The following PTPRO variants were observed in gnomAD, a reference collection of about 807,000 sequenced individuals.
PTPRO encodes the protein receptor-type tyrosine-protein phosphatase O.
Under a neutral mutation model 145.2 loss-of-function variants are expected in PTPRO, and 62 were observed. That is an observed-to-expected ratio of 0.43 (90% CI 0.35 to 0.53). PTPRO has a LOEUF of 0.53. PTPRO is among the 20% of genes least tolerant of loss of function. The pLI, the probability that PTPRO is intolerant of heterozygous loss-of-function variation, is 0.01. For missense variants in PTPRO, 1,345 were observed against 1,482.7 expected, an observed-to-expected ratio of 0.91 and a Z score of 1.53; for synonymous variants, 565 against 514.7, an observed-to-expected ratio of 1.10 and a Z score of -1.32.
At chr12:15,494,462 G>C (rs1397690381) in intron 2 of PTPRO, among the ~76,000 whole-genome samples, 1 of 152,158 alleles carries the variant, frequency 6.6e-6, no homozygotes, top group African/African-American at 2.4e-5. Context: ...AAGACAATGA[G>C]AGAAGTCACT....
At chr12:15,532,086 C>G (rs1362994479) in intron 12 of PTPRO, among the ~76,000 whole-genome samples, 1 of 152,106 alleles carries the variant, frequency 6.6e-6, no homozygotes, top group Non-Finnish European at 1.5e-5. Context: ...TTGCATTTCT[C>G]CAGAACTCAA....
intron 12 of PTPRO, among the ~76,000 whole-genome samples, chr12:15,532,526 T>A (rs564323589): frequency 6.6e-6 from 1 of 152,278 alleles, no homozygotes; most frequent in East Asian, 1.9e-4. Context: ...GCTAATTCCC[T>A]CTGCTGTGAC....
At position 15,569,416 on chromosome 12, in the gene PTPRO, GC is replaced by G. The variant is rs1156976212; in HGVS notation, c.2750del (p.Pro917ArgfsTer29). The G allele has an allele frequency of 1.2e-6, 2 of 1,611,862 alleles. No individual in the cohort carries two copies. The highest frequency in any genetic ancestry group is 1.7e-6 in the Non-Finnish European group (2 of 1,178,046). On this transcript the variant is annotated frameshift_variant and splice_region_variant, in exon 19 of 27. Transcript: ENST00000281171. LOFTEE classifies it high-confidence loss of function. ...KNGLKKRKLT[N>X]PVQLDDFDAY... ...TGTATATTTCTTTGTGTTTGGCAAA[GC>G]CCGGTTCAACTGGATGACTTTGATG...
At chr12:15,437,522 A>G (rs986848193) in intron 1 of PTPRO, among the ~76,000 whole-genome samples, 2 of 152,098 alleles carry the variant, frequency 1.3e-5, no homozygotes, top group Non-Finnish European at 2.9e-5. Flanking sequence ...CTGCCCCACC[A>G]TTTATGGACA....
At chr12:15,404,803 A>G (rs1002408986) in intron 1 of PTPRO, among the ~76,000 whole-genome samples, 1 of 152,220 alleles carries the variant, frequency 6.6e-6, no homozygotes, top group Non-Finnish European at 1.5e-5. Context: ...ACATTTGGCA[A>G]CAGATAGTTG....
At chr12:15,417,850 C>A (rs1940025982) in intron 1 of PTPRO, among the ~76,000 whole-genome samples, 1 of 151,710 alleles carries the variant, frequency 6.6e-6, no homozygotes, top group African/African-American at 2.4e-5. Context: ...TGCATGCACT[C>A]AAATTAGAGC....
At chr12:15,494,872 G>A (rs1355984025) in intron 2 of PTPRO, among the ~76,000 whole-genome samples, 3 of 152,148 alleles carry the variant, frequency 2.0e-5, no homozygotes, top group South Asian at 2.1e-4. Flanking sequence ...CAGCAGTGAA[G>A]GAGTTACTGC....
chr12:15,443,781 A>G (rs1261533934), intron 1 of PTPRO, among the ~76,000 whole-genome samples: 4 of 152,180 alleles, frequency 2.6e-5, no homozygotes, highest in South Asian at 4.1e-4. Flanking sequence ...CAAAACCACA[A>G]TGAGATAGCA....
chr12:15,540,404 T>C (rs746744263), intron 12 of PTPRO, among the ~76,000 whole-genome samples: 52 of 152,352 alleles, frequency 3.4e-4, no homozygotes, highest in Middle Eastern at 6.8e-3. Context: ...AAAATAAATG[T>C]TGTTATGTGG....
intron 7 of PTPRO, among the ~76,000 whole-genome samples, chr12:15,514,474 G>T (rs866274460): frequency 8.5e-5 from 11 of 129,168 alleles, no homozygotes; most frequent in Admixed American, 2.3e-4. Context: ...AAAAAAAAAA[G>T]AAAGAACAGT....
chr12:15,345,612 G>T (rs757792924), intron 1 of PTPRO, among the ~76,000 whole-genome samples: 1 of 152,084 alleles, frequency 6.6e-6, no homozygotes, highest in African/African-American at 2.4e-5. Context: ...CTGTCGGGGG[G>T]TGGGGGGTTA....
intron 1 of PTPRO, among the ~76,000 whole-genome samples, chr12:15,326,972 G>A (rs952769192): frequency 6.6e-6 from 1 of 152,096 alleles, no homozygotes; most frequent in Non-Finnish European, 1.5e-5. Flanking sequence ...ATCTTTCATG[G>A]TGCTAGTATG....
At chr12:15,430,055 C>A (rs1940390734) in intron 1 of PTPRO, among the ~76,000 whole-genome samples, 1 of 151,660 alleles carries the variant, frequency 6.6e-6, no homozygotes, top group Admixed American at 6.6e-5. Flanking sequence ...GTTTGCGGTG[C>A]CTTTCTGACG....
At chr12:15,393,028 C>T (rs1939234043) in intron 1 of PTPRO, among the ~76,000 whole-genome samples, 1 of 152,108 alleles carries the variant, frequency 6.6e-6, no homozygotes, top group South Asian at 2.1e-4. Flanking sequence ...TTCTAATTGT[C>T]TTTCTTTGGA....
chr12:15,334,073 G>A (rs1866687536), intron 1 of PTPRO, among the ~76,000 whole-genome samples: 1 of 151,982 alleles, frequency 6.6e-6, no homozygotes, highest in Non-Finnish European at 1.5e-5. Flanking sequence ...CACCATGCAC[G>A]TCATATAACC....
chr12:15,504,678 T>A (rs1008778612), intron 6 of PTPRO, among the ~76,000 whole-genome samples: 1 of 152,188 alleles, frequency 6.6e-6, no homozygotes, highest in African/African-American at 2.4e-5. Context: ...ACTGACTATG[T>A]TTACTGGAAG....
chr12:15,420,370 C>A (rs1227339812), intron 1 of PTPRO, among the ~76,000 whole-genome samples: 2 of 151,592 alleles, frequency 1.3e-5, no homozygotes, highest in Admixed American at 1.3e-4. Context: ...TAATCCTCCA[C>A]CATTGCTACC....
At chr12:15,402,660 A>C (rs1015684102) in intron 1 of PTPRO, among the ~76,000 whole-genome samples, 2 of 152,126 alleles carry the variant, frequency 1.3e-5, no homozygotes, top group African/African-American at 4.8e-5. Flanking sequence ...AATTTTATAA[A>C]TTCTACATAA....
At chr12:15,362,197 T>C (rs1469960871) in intron 1 of PTPRO, among the ~76,000 whole-genome samples, 4 of 152,210 alleles carry the variant, frequency 2.6e-5, no homozygotes, top group Non-Finnish European at 5.9e-5. Flanking sequence ...TTCAAGCTTC[T>C]CATGCATCAC....
Sources: gnomAD v4.1 joint callset for allele counts (sites outside exome capture counted in the v4.1 genomes callset) on GRCh38, gnomAD v4.1.1 for gene constraint, MANE v1.5 for transcripts, NCBI Gene and HGNC (gene_info 2026-07-23, HGNC 2026-07-21) for gene names.